Variants in AKT2 observed in about 807,000 individuals in gnomAD.
AKT2 encodes AKT serine/threonine kinase 2.
Under a neutral mutation model 58.6 loss-of-function variants are expected in AKT2, and 16 were observed. The observed-to-expected ratio is 0.27, with a 90% confidence interval of 0.18 to 0.41. The LOEUF (loss-of-function observed/expected upper bound fraction) is 0.41, where lower values mean the gene tolerates loss of function less well. Ranked by LOEUF, AKT2 falls within the 10% of genes least tolerant of loss-of-function variation. The pLI is 1.00. For missense variants in AKT2, 438 were observed against 661.0 expected (o/e 0.66, Z 3.70); for synonymous variants, 253 against 254.0 (o/e 1.00, Z 0.04).
intron 1 of AKT2, chr19:40,282,735 G>A (rs1235270930): frequency 3.4e-5 from 11 of 327,078 alleles, no homozygotes; most frequent in African/African-American, 6.7e-5. Flanking sequence ...CTGATAAGAT[G>A]CGGTGGAAGG....
At position 40,231,204 on chromosome 19, in the gene AKT2, C is replaced by G. The variant is rs1973685849; in HGVS notation, c.*2668G>C. 4.3e-6 allele frequency: 1 copy of G among 232,062 alleles called. No individual in the cohort carries two copies. The highest frequency in any genetic ancestry group is 8.5e-6 in the Non-Finnish European group (1 of 117,390). The allele number at this position is 232,062 out of a possible 1,614,324, so 14.4% of individuals were successfully genotyped here. ...TCAACTACGGGGCCAGCTGCTGCAG[C>G]TGTGGGACCCCATCCTGTGGAAGAG... On this transcript the variant is annotated 3_prime_UTR_variant, in exon 14 of 14. Coordinates refer to ENST00000392038, the MANE Select transcript of AKT2 (RefSeq NM_001626.6).
intron 10 of AKT2, 26 bp from the exon 11 acceptor site, chr19:40,236,130 T>G: frequency 6.2e-7 from 1 of 1,613,802 alleles, no homozygotes; most frequent in Non-Finnish European, 8.5e-7. Context: ...AAATGAGGGC[T>G]GGGCCCGTGG....
chr19:40,269,971 C>A (rs1171149697), intron 1 of AKT2, among the ~76,000 whole-genome samples: 2 of 152,212 alleles, frequency 1.3e-5, no homozygotes, highest in East Asian at 3.9e-4. Flanking sequence ...TGCAACATCC[C>A]CCTTTGCTTC....
chr19:40,233,854 T>C lies in AKT2; in HGVS notation c.*18A>G. ...CGGTGATGGCAGCGAGCGTGCGTCCTCTGCGTGGGCAGACTGCTCACTCGC... is the reference window on the plus strand; with the variant it reads ...CGGTGATGGCAGCGAGCGTGCGTCCCCTGCGTGGGCAGACTGCTCACTCGC... On this transcript the variant is annotated 3_prime_UTR_variant, in exon 14 of 14. Coordinates refer to ENST00000392038, the MANE Select transcript of AKT2 (RefSeq NM_001626.6). The surrounding 1 kb of genome is among the most constrained non-coding windows in gnomAD (Gnocchi z 4.3). 1 of 1,609,024 alleles carries C rather than the reference T, an allele frequency of 6.2e-7. No homozygotes were observed. The highest frequency in any genetic ancestry group is 2.2e-5 in the East Asian group (1 of 44,870).
chr19:40,275,051 C>A, intron 1 of AKT2: 1 of 456,688 alleles, frequency 2.2e-6, no homozygotes, highest in Non-Finnish European at 4.4e-6. Context: ...ACCATGAGGA[C>A]CTGCATGCAG....
At chr19:40,264,750 T>G (rs1976220261) in intron 2 of AKT2, among the ~76,000 whole-genome samples, 3 of 144,846 alleles carry the variant, frequency 2.1e-5, no homozygotes. Context: ...TCACTCACAG[T>G]TCCCACTTTT....
chr19:40,236,565 CA>C (rs1345998882), intron 9 of AKT2, 180 bp from the exon 10 acceptor site: 2 of 790,530 alleles, frequency 2.5e-6, no homozygotes, highest in Non-Finnish European at 4.1e-6. Context: ...CAACCCTCCT[CA>C]CCCTCTGGCC....
At position 40,242,106 on chromosome 19, in the gene AKT2, T is replaced by C. The variant is rs764004967; in HGVS notation, c.442-37A>G. ...AGGGAGAGTGGGGGCAGTCAGCGCC[T>C]GGCTCATGGCCCGTGGGAGGAAATT... On this transcript the variant is annotated intron_variant, in intron 5 of 13. Transcript: ENST00000392038. The surrounding 1 kb of genome is among the most constrained non-coding windows in gnomAD (Gnocchi z 4.3). 16 of 1,613,616 alleles carry C rather than the reference T, an allele frequency of 9.9e-6. No homozygotes were observed. In the Admixed American group the frequency reaches 2.7e-4, roughly 27 times the overall value.
chr19:40,252,151 A>G (rs1975204919), intron 4 of AKT2, among the ~76,000 whole-genome samples: 1 of 152,166 alleles, frequency 6.6e-6, no homozygotes, highest in Admixed American at 6.5e-5. Flanking sequence ...CCCCAGGCTT[A>G]AGAGAGGCCA....
At chr19:40,278,264 C>T (rs1568575007) in intron 1 of AKT2, among the ~76,000 whole-genome samples, 1 of 152,336 alleles carries the variant, frequency 6.6e-6, no homozygotes, top group East Asian at 1.9e-4. Flanking sequence ...TTACTGACTT[C>T]CAGCAAATCC....
At chr19:40,246,786 G>A (rs1355751559) in intron 4 of AKT2, among the ~76,000 whole-genome samples, 1 of 152,224 alleles carries the variant, frequency 6.6e-6, no homozygotes, top group Non-Finnish European at 1.5e-5. Context: ...TGGGAATCAG[G>A]AGCACAGGCC....
intron 2 of AKT2, among the ~76,000 whole-genome samples, chr19:40,257,728 C>T (rs1000774132): frequency 2.0e-5 from 3 of 151,882 alleles, no homozygotes; most frequent in Non-Finnish European, 2.9e-5. Flanking sequence ...TAACAGCCAT[C>T]GAGTGGAAAC....
chr19:40,242,044 T>C lies in AKT2; in HGVS notation c.467A>G (p.Lys156Arg), dbSNP rs777080235. ...KVTMNDFDYL[K>R]LLGKGTFGKV... Reference sequence around the variant, plus strand: ...GCCAAAGGTTCCCTTGCCAAGGAGTTTGAGATAGTCGAAGTCATTCATGGT... The same window carrying C: ...GCCAAAGGTTCCCTTGCCAAGGAGTCTGAGATAGTCGAAGTCATTCATGGT... Residue 156 changes from lysine to arginine, a missense_variant, in exon 6 of 14, where the codon AAA becomes AGA. This residue lies in a region of AKT2 where 244 missense variants were observed against 347.1 expected (regional missense o/e 0.70). Transcript: ENST00000392038. The surrounding 1 kb of genome is among the most constrained non-coding windows in gnomAD (Gnocchi z 4.3). 9.3e-6 allele frequency: 15 copies of C among 1,614,070 alleles called. No homozygotes were observed. The highest frequency in any genetic ancestry group is 6.7e-5 in the East Asian group (3 of 44,898).
At chr19:40,265,839 T>C (rs1331073771) in intron 1 of AKT2, among the ~76,000 whole-genome samples, 1 of 151,946 alleles carries the variant, frequency 6.6e-6, no homozygotes, top group African/African-American at 2.4e-5. Context: ...CTCCCTTCTT[T>C]CCAAACCAGG....
At chr19:40,271,252 C>T (rs1265414478) in intron 1 of AKT2, among the ~76,000 whole-genome samples, 2 of 144,578 alleles carry the variant, frequency 1.4e-5, no homozygotes, top group Non-Finnish European at 3.0e-5. Flanking sequence ...TATATATACA[C>T]GTATATATAC....
chr19:40,244,578 C>T (rs536568640), intron 4 of AKT2, among the ~76,000 whole-genome samples: 1 of 152,192 alleles, frequency 6.6e-6, no homozygotes, highest in Non-Finnish European at 1.5e-5. Context: ...TTCAACCCAA[C>T]GCATTTTGAA....
intron 1 of AKT2, among the ~76,000 whole-genome samples, chr19:40,266,600 G>A (rs1355710139): frequency 1.3e-5 from 2 of 152,150 alleles, no homozygotes; most frequent in East Asian, 1.9e-4. Context: ...CAACATGCCC[G>A]GCACCCCACA....
chr19:40,279,666 A>AAC (rs2077388669), intron 1 of AKT2: 1 of 151,434 alleles, frequency 6.6e-6, no homozygotes, highest in Non-Finnish European at 1.5e-5. Context: ...AAAAAAAAAA[A>AAC]AAGCCAGAGC....
rs370610183 is a variant in AKT2 at position 40,238,866 on chromosome 19, G to A, written c.708+39C>T. The A allele has an allele frequency of 5.7e-5, 92 of 1,601,140 alleles. No homozygotes were observed. In the African/African-American group the frequency reaches 1.1e-3, roughly 19 times the overall value. On this transcript the variant is annotated intron_variant, in intron 8 of 13. Coordinates refer to ENST00000392038, the MANE Select transcript of AKT2 (RefSeq NM_001626.6). This position sits in a 1 kb window ranked among gnomAD's most constrained non-coding sequence, Gnocchi z 5.1. Reference sequence around the variant, plus strand: ...TCCATCCCGCCCCACCCTAAAGAAGGAGGCCCCAGAGGGCAAAGTCAAGGC... The same window carrying A: ...TCCATCCCGCCCCACCCTAAAGAAGAAGGCCCCAGAGGGCAAAGTCAAGGC...
Sources: gnomAD v4.1 joint callset for allele counts (sites outside exome capture counted in the v4.1 genomes callset) on GRCh38, gnomAD v4.1.1 for gene constraint, gnomAD v4.1.1 regional missense constraint, Gnocchi (gnomAD v3.1) non-coding constraint, MANE v1.5 for transcripts, NCBI Gene and HGNC (gene_info 2026-07-23, HGNC 2026-07-21) for gene names.